CEP290: variants seen among roughly 807,000 people sequenced by gnomAD.
CEP290 encodes centrosomal protein of 290 kDa.
Under a neutral mutation model 344.9 loss-of-function variants are expected in CEP290, and 317 were observed. The observed-to-expected ratio is 0.92, with a 90% CI of 0.84 to 1.01. The LOEUF is 1.01. CEP290 is among the 50% of genes least tolerant of loss of function. The probability of loss-of-function intolerance (pLI) is 0.00; values close to 1 mark genes in which losing one functional copy is unlikely to be tolerated. For missense variants in CEP290, 2,754 were observed against 2,761.4 expected, an observed-to-expected ratio of 1.00 and a Z score of 0.06; for synonymous variants, 932 against 895.8, an observed-to-expected ratio of 1.04 and a Z score of -0.72.
At chr12:88,130,122 G>A in intron 9 of CEP290, 146 bp downstream of exon 9, 1 of 957,634 alleles carries the variant, frequency 1.0e-6, no homozygotes, top group Non-Finnish European at 1.5e-6. Context: ...CAACTTCAAA[G>A]ATGTAATTTA....
Position 88,128,108 on chromosome 12 carries a change from G to A in CEP290, c.942+838C>T, listed in dbSNP as rs142665464. Among the ~76,000 whole-genome samples, 1,049 of 152,110 alleles carry A rather than the reference G, an allele frequency of 6.9e-3. 18 individuals are homozygous for A. The highest frequency in any genetic ancestry group is 0.024 in the African/African-American group (1,009 of 41,498). On this transcript the variant is annotated intron_variant, in intron 11 of 53. Coordinates refer to ENST00000552810, the MANE Select transcript of CEP290 (RefSeq NM_025114.4). ...AAAACCACCTTGCTCACTCATTTAC[G>A]TATTGTCAATGGCTGCTTTCATGCT...
chr12:88,080,498 C>T (rs776622537), intron 37 of CEP290, 103 bp from the exon 38 acceptor site: 33 of 761,854 alleles, frequency 4.3e-5, no homozygotes, highest in Non-Finnish European at 6.3e-5. Context: ...AGCGCAATCT[C>T]GGCTGACTGC....
At chr12:88,127,760 C>T (rs914862982) in intron 11 of CEP290, among the ~76,000 whole-genome samples, 5 of 152,056 alleles carry the variant, frequency 3.3e-5, no homozygotes, top group African/African-American at 1.2e-4. Flanking sequence ...TGCAAAATAA[C>T]ATATATAAGG....
At chr12:88,139,876 A>C (rs1356232529) in intron 3 of CEP290, among the ~76,000 whole-genome samples, 2 of 151,982 alleles carry the variant, frequency 1.3e-5, no homozygotes, top group Non-Finnish European at 2.9e-5. Flanking sequence ...CTACAGGTGC[A>C]TGCCATCATG....
chr12:88,115,720 G>A (rs185970247), intron 18 of CEP290: 22 of 1,049,698 alleles, frequency 2.1e-5, no homozygotes, highest in Admixed American at 4.1e-5. Flanking sequence ...TGTTAGAGAC[G>A]TCATAAAAGA....
chr12:88,129,114 T>C, intron 10 of CEP290, 79 bp from the exon 11 acceptor site: 2 of 659,316 alleles, frequency 3.0e-6, no homozygotes, highest in Non-Finnish European at 4.7e-6. Context: ...TACATATACA[T>C]TATATATATA....
intron 6 of CEP290, chr12:88,135,557 G>A (rs1383610805): frequency 6.6e-6 from 1 of 152,116 alleles, no homozygotes; most frequent in Non-Finnish European, 1.5e-5. Context: ...TAACATTTAA[G>A]TGGCATCGAT....
chr12:88,052,634 T>C (rs1045891390), intron 52 of CEP290, among the ~76,000 whole-genome samples: 2 of 151,470 alleles, frequency 1.3e-5, no homozygotes, highest in African/African-American at 4.9e-5. Flanking sequence ...CATGCATATA[T>C]ATACATACAC....
intron 41 of CEP290, 83 bp downstream of exon 41, chr12:88,077,139 G>T: frequency 7.7e-7 from 1 of 1,304,128 alleles, no homozygotes; most frequent in Non-Finnish European, 1.1e-6. Flanking sequence ...AATTAAGGCA[G>T]TATATTAACT....
chr12:88,118,884 C>A, intron 15 of CEP290, 141 bp from the exon 16 acceptor site: 2 of 569,082 alleles, frequency 3.5e-6, no homozygotes, highest in South Asian at 5.7e-5. Context: ...AAAGAATTTT[C>A]CAGATATTTA....
At position 88,114,403 on chromosome 12, in the gene CEP290, TG is replaced by T; in HGVS notation, c.2052+16del. 6.5e-7 allele frequency: 1 copy of T among 1,532,400 alleles called. No individual in the cohort carries two copies. Among genetic ancestry groups the T allele is most frequent in the South Asian group, 1.2e-5 (1 of 80,578 alleles). The allele number at this position is 1,532,400 out of a possible 1,614,324, so 94.9% of individuals were successfully genotyped here. A position where few individuals can be genotyped will look rare whatever the true frequency, so the allele number is the denominator to read the frequency against. ...AAGTGATAGGGGAAAAACATTAACA[TG>T]AAAAAAATAACTTACATTAACTAGT... On this transcript the variant is annotated intron_variant, in intron 20 of 53. Coordinates refer to ENST00000552810, the MANE Select transcript of CEP290 (RefSeq NM_025114.4).
chr12:88,087,276 T>A (rs1476700371), intron 32 of CEP290, among the ~76,000 whole-genome samples: 1 of 152,202 alleles, frequency 6.6e-6, no homozygotes, highest in East Asian at 1.9e-4. Flanking sequence ...AGGTTGCTTA[T>A]GTATTGCCGT....
At chr12:88,062,941 T>C (rs2034592376) in intron 45 of CEP290, among the ~76,000 whole-genome samples, 163 bp from the exon 46 acceptor site, 1 of 152,124 alleles carries the variant, frequency 6.6e-6, no homozygotes, top group Non-Finnish European at 1.5e-5. Context: ...AGACGTTAAA[T>C]TAATACAAGA....
Position 88,129,851 on chromosome 12 carries a change from A to G in CEP290, c.695T>C (p.Ile232Thr). The G allele has an allele frequency of 6.9e-7, 1 of 1,458,836 alleles. No individual in the cohort carries two copies. Among genetic ancestry groups the G allele is most frequent in the Non-Finnish European group, 9.0e-7 (1 of 1,106,726 alleles). 90.4% of individuals were successfully genotyped at this position (1,458,836 alleles called of 1,614,324 possible). A position where few individuals can be genotyped will look rare whatever the true frequency, so the allele number is the denominator to read the frequency against. Residue 232 changes from isoleucine to threonine, a missense_variant, in exon 10 of 54, where the codon ATT becomes ACT. By Grantham distance (89) the Ile-to-Thr change is moderately conservative (BLOSUM62 -1). Transcript: ENST00000552810. Reference protein sequence around the residue: ...IQTLTEANEKIEVQNQEMRKN... With the variant: ...IQTLTEANEKTEVQNQEMRKN... ...TCTCATTTCTTGATTCTGAACTTCA[A>G]TTTTCTCATTAGCTTCTGTTAAAGT...
At position 88,064,001 on chromosome 12, in the gene CEP290, T is replaced by TA; in HGVS notation, c.6249dup (p.Lys2084Ter). 2 of 1,597,114 alleles carry TA rather than the reference T, an allele frequency of 1.3e-6. No individual in the cohort carries two copies. Among genetic ancestry groups the TA allele is most frequent in the South Asian group, 2.3e-5 (2 of 86,760 alleles). On this transcript the variant is annotated frameshift_variant, in exon 45 of 54. Transcript: ENST00000552810. LOFTEE classifies it high-confidence loss of function. The stretch of plus-strand genomic sequence containing the variant: ...TTCACCTTTAATCTTGGCAAATCTT[T>TA]ATTTGCTTGTTCAAGCTGAAATTTC...
Position 88,120,247 on chromosome 12 carries a change from A to G in CEP290, c.1389T>C (p.Val463=). Residue 463 remains valine, a synonymous_variant, in exon 15 of 54, where the codon GTT becomes GTC. Transcript: ENST00000552810. Reference sequence around the variant, plus strand: ...TTTGGTTTTTACAATTCTTTATTTCAACGACAGCATCTTCTAAACCATATA... The same window carrying G: ...TTTGGTTTTTACAATTCTTTATTTCGACGACAGCATCTTCTAAACCATATA... The part of the protein sequence containing the change: ...SGVYGLEDAV[V]EIKNCKNQIK... The G allele has an allele frequency of 6.8e-7, 1 of 1,473,910 alleles. No individual in the cohort carries two copies. Among genetic ancestry groups the G allele is most frequent in the South Asian group, 1.4e-5 (1 of 73,604 alleles). The allele number at this position is 1,473,910 out of a possible 1,614,324, so 91.3% of individuals were successfully genotyped here. A position where few individuals can be genotyped will look rare whatever the true frequency, so the allele number is the denominator to read the frequency against.
chr12:88,052,929 G>A (rs907177529), intron 52 of CEP290, among the ~76,000 whole-genome samples: 1 of 152,102 alleles, frequency 6.6e-6, no homozygotes, highest in Non-Finnish European at 1.5e-5. Context: ...AAACTGAAAT[G>A]AGGATACTGA....
chr12:88,051,151 G>A (rs1398595757), intron 52 of CEP290, among the ~76,000 whole-genome samples: 3 of 150,094 alleles, frequency 2.0e-5, no homozygotes, highest in East Asian at 1.9e-4. Context: ...AAAAGTTTGC[G>A]AAAGTAAGGG....
chr12:88,133,755 C>T (rs2040209419), intron 6 of CEP290, among the ~76,000 whole-genome samples: 1 of 152,096 alleles, frequency 6.6e-6, no homozygotes, highest in South Asian at 2.1e-4. Context: ...TAATAAAATG[C>T]AAACTACAAT....
Sources: allele counts gnomAD v4.1 joint callset (sites outside exome capture counted in the v4.1 genomes callset), GRCh38; gene constraint gnomAD v4.1.1; transcripts MANE v1.5; gene names NCBI Gene and HGNC (gene_info 2026-07-23, HGNC 2026-07-21).